Variants in SLC15A1 observed in about 807,000 individuals in gnomAD.
SLC15A1 encodes the protein Caco-2 oligopeptide transporter.
In SLC15A1, 83 loss-of-function variants were observed where a neutral mutation model predicts 92.9. That is an observed-to-expected ratio of 0.89 (90% CI 0.75 to 1.07). The LOEUF is 1.07. Ranked by LOEUF, SLC15A1 falls within the 50% of genes least tolerant of loss-of-function variation. SLC15A1 has a pLI of 0.00. For missense variants in SLC15A1, 857 were observed against 880.1 expected (o/e 0.97, Z 0.33); for synonymous variants, 322 against 318.2 (o/e 1.01, Z -0.13).
intron 1 of SLC15A1, among the ~76,000 whole-genome samples, chr13:98,743,243 T>C (rs1300149720): frequency 6.6e-6 from 1 of 152,190 alleles, no homozygotes; most frequent in African/African-American, 2.4e-5. Context: ...GGGGGATAAA[T>C]AATTTGCCCA....
chr13:98,745,632 C>A (rs2088486576), intron 1 of SLC15A1, among the ~76,000 whole-genome samples: 1 of 152,178 alleles, frequency 6.6e-6, no homozygotes, highest in African/African-American at 2.4e-5. Flanking sequence ...CCACCAGCCA[C>A]ACCAGAAGCA....
chr13:98,702,673 A>AGGCC, intron 17 of SLC15A1, 144 bp from the exon 18 acceptor site: 5 of 682,112 alleles, frequency 7.3e-6, no homozygotes, highest in Non-Finnish European at 1.0e-5. Flanking sequence ...AGGGCTCTGG[A>AGGCC]GGCCGGGCAC....
intron 1 of SLC15A1, among the ~76,000 whole-genome samples, chr13:98,736,884 C>T (rs1236012773): frequency 1.3e-5 from 2 of 152,212 alleles, no homozygotes; most frequent in African/African-American, 4.8e-5. Context: ...AACACTTTTA[C>T]ACTGTTGGTG....
chr13:98,726,672 A>C (rs1403302339), intron 2 of SLC15A1, 171 bp downstream of exon 2: 2 of 761,244 alleles, frequency 2.6e-6, no homozygotes, highest in Admixed American at 2.2e-5. Flanking sequence ...TAGTCTGAGG[A>C]GGATTATCCA....
intron 15 of SLC15A1, among the ~76,000 whole-genome samples, chr13:98,706,515 GT>G (rs2088113932): frequency 6.6e-6 from 1 of 152,192 alleles, no homozygotes; most frequent in Admixed American, 6.5e-5. Flanking sequence ...ATTCCCGGGT[GT>G]TGTGGGAGGG....
chr13:98,710,300 T>C (rs1285743098), intron 11 of SLC15A1, among the ~76,000 whole-genome samples: 1 of 152,112 alleles, frequency 6.6e-6, no homozygotes, highest in Non-Finnish European at 1.5e-5. Context: ...GATTCACAAA[T>C]ATTATTGTTA....
chr13:98,691,283 C>CCCAAATGTG lies in SLC15A1; in HGVS notation c.1467-2707_1467-2706insCACATTTGG, dbSNP rs527988378. The stretch of plus-strand genomic sequence containing the variant: ...CAATCTCCTGACCTCATGACCTGCC[C>CCCAAATGTG]ACCTCGGCCTCCCAAAAAGTGTTGG... On this transcript the variant is annotated intron_variant, in intron 18 of 22. Transcript: ENST00000376503. Among the ~76,000 whole-genome samples, 169 of 152,314 alleles carry CCCAAATGTG rather than the reference C, an allele frequency of 1.1e-3. 1 individual carries two copies. The highest frequency in any genetic ancestry group is 3.8e-3 in the African/African-American group (158 of 41,570).
chr13:98,720,960 G>A (rs1226519469), intron 7 of SLC15A1: 2 of 364,734 alleles, frequency 5.5e-6, no homozygotes, highest in South Asian at 4.2e-5. Context: ...GCTGAGGCAG[G>A]AGAATTGCTT....
At chr13:98,740,562 G>T (rs1238946632) in intron 1 of SLC15A1, among the ~76,000 whole-genome samples, 1 of 151,986 alleles carries the variant, frequency 6.6e-6, no homozygotes, top group African/African-American at 2.4e-5. Flanking sequence ...CTGCCTCCTC[G>T]GCTTCCCAAA....
At chr13:98,702,753 T>C (rs1042321125) in intron 17 of SLC15A1, among the ~76,000 whole-genome samples, 13 of 151,980 alleles carry the variant, frequency 8.6e-5, no homozygotes, top group African/African-American at 2.9e-4. Flanking sequence ...CTTAGGAGTT[T>C]GAGACCAGCC....
chr13:98,751,548 G>A (rs1346374858), intron 1 of SLC15A1, among the ~76,000 whole-genome samples: 1 of 152,234 alleles, frequency 6.6e-6, no homozygotes, highest in Non-Finnish European at 1.5e-5. Flanking sequence ...GCAGAGCTGA[G>A]CTCGGCCACA....
At chr13:98,694,170 A>G (rs1328860120) in intron 18 of SLC15A1, among the ~76,000 whole-genome samples, 3 of 152,164 alleles carry the variant, frequency 2.0e-5, no homozygotes, top group South Asian at 4.2e-4. Flanking sequence ...ATTATGGTCA[A>G]TTATGCCCCA....
intron 9 of SLC15A1, 96 bp from the exon 10 acceptor site, chr13:98,712,680 CG>C: frequency 1.2e-6 from 1 of 859,162 alleles, no homozygotes; most frequent in Non-Finnish European, 1.8e-6. Flanking sequence ...GAAAAATATA[CG>C]TGTGAGAAAA....
chr13:98,735,907 A>C (rs1276979750), intron 1 of SLC15A1, among the ~76,000 whole-genome samples: 2 of 152,096 alleles, frequency 1.3e-5, no homozygotes, highest in African/African-American at 4.8e-5. Flanking sequence ...ATGAAAATGG[A>C]CATACTGCCC....
intron 1 of SLC15A1, among the ~76,000 whole-genome samples, chr13:98,739,612 C>G (rs538059878): frequency 6.6e-6 from 1 of 152,230 alleles, no homozygotes; most frequent in East Asian, 1.9e-4. Context: ...GCCTGCTCCC[C>G]CTTCACCTTC....
intron 1 of SLC15A1, among the ~76,000 whole-genome samples, chr13:98,750,742 C>A (rs544066456): frequency 1.3e-5 from 2 of 151,348 alleles, no homozygotes; most frequent in Non-Finnish European, 2.9e-5. Flanking sequence ...ACCTAAGTAC[C>A]AAAGATCTGT....
rs56342746 is a variant in SLC15A1 at position 98,700,484 on chromosome 13, C to CAAAAAAAAAA, written c.1466+1986_1466+1995dup. 2.1e-3 allele frequency among the ~76,000 whole-genome samples: 108 copies of CAAAAAAAAAA among 50,902 alleles called. 11 individuals carry two copies. The highest frequency in any genetic ancestry group is 9.7e-3 in the African/African-American group (105 of 10,788). The allele number at this position is 50,902 out of a possible 152,430, so 33.4% of individuals were successfully genotyped here. On this transcript the variant is annotated intron_variant, in intron 18 of 22. Transcript: ENST00000376503. ...TGGGCAATAGAGCAAGACCCTGTCT[C>CAAAAAAAAAA]AAAAAAAAAAAAAAAAAAAAAAAGG...
chr13:98,752,460 G>A (rs533039704), intron 1 of SLC15A1, 135 bp downstream of exon 1: 2 of 832,578 alleles, frequency 2.4e-6, no homozygotes, highest in South Asian at 5.2e-5. Context: ...GCAACCTCCC[G>A]GCCCCCGTGG....
At chr13:98,735,579 T>A (rs752194790) in intron 1 of SLC15A1, among the ~76,000 whole-genome samples, 1 of 152,236 alleles carries the variant, frequency 6.6e-6, no homozygotes, top group African/African-American at 2.4e-5. Flanking sequence ...CATGACTTTA[T>A]ATTTAGAAAA....
Sources: gnomAD v4.1 joint callset for allele counts (sites outside exome capture counted in the v4.1 genomes callset) on GRCh38, gnomAD v4.1.1 for gene constraint, MANE v1.5 for transcripts, NCBI Gene and HGNC (gene_info 2026-07-23, HGNC 2026-07-21) for gene names.